AFG2A: variants seen among roughly 807,000 people sequenced by gnomAD.
AFG2A encodes AAA ATPase AFG2A, also known as ATPase family gene 2 protein homolog A.
At chr4:123,159,714 A>G in the AFG2A span, among the ~76,000 whole-genome samples, 1 of 152,138 alleles carries the variant, frequency 6.6e-6, no homozygotes, top group African/African-American at 2.4e-5. Context: ...CGGGAGGTGC[A>G]GGAAGTGAGG....
the AFG2A span, among the ~76,000 whole-genome samples, chr4:122,931,271 A>G: frequency 1.2e-3 from 190 of 152,288 alleles, 1 homozygote; most frequent in Non-Finnish European, 2.1e-3. Flanking sequence ...CAATTTTCTC[A>G]TTAGTTTATA....
the AFG2A span, among the ~76,000 whole-genome samples, chr4:123,240,837 T>C: frequency 6.6e-6 from 1 of 151,958 alleles, no homozygotes; most frequent in Admixed American, 6.6e-5. Context: ...AATCAATGAA[T>C]CCAGGAGCTG....
At chr4:123,302,206 T>A in the AFG2A span, among the ~76,000 whole-genome samples, 1 of 152,152 alleles carries the variant, frequency 6.6e-6, no homozygotes, top group Non-Finnish European at 1.5e-5. Flanking sequence ...CTTGAAGTTT[T>A]TCAGGAACTT....
the AFG2A span, among the ~76,000 whole-genome samples, chr4:123,243,882 TGTG>T: frequency 2.5e-4 from 38 of 152,052 alleles, no homozygotes; most frequent in African/African-American, 8.7e-4. Flanking sequence ...GTTAGCCAGA[TGTG>T]GTAGCACACA....
the AFG2A span, among the ~76,000 whole-genome samples, chr4:123,089,588 T>TTTTTTTC: frequency 6.6e-6 from 1 of 152,112 alleles, no homozygotes; most frequent in African/African-American, 2.4e-5. Flanking sequence ...TTACTTCTTT[T>TTTTTTTC]TTTTTTCTTT....
the AFG2A span, among the ~76,000 whole-genome samples, chr4:123,140,409 G>A: frequency 6.6e-6 from 1 of 151,354 alleles, no homozygotes; most frequent in Non-Finnish European, 1.5e-5. Context: ...CCTTCTAAAT[G>A]ATTGATATAT....
At chr4:123,006,623 G>A in the AFG2A span, among the ~76,000 whole-genome samples, 3 of 152,008 alleles carry the variant, frequency 2.0e-5, no homozygotes, top group Admixed American at 6.6e-5. Flanking sequence ...TTTTGAAATG[G>A]CTAATCTGCT....
At chr4:123,080,865 C>T in the AFG2A span, among the ~76,000 whole-genome samples, 4 of 152,062 alleles carry the variant, frequency 2.6e-5, no homozygotes, top group African/African-American at 7.2e-5. Flanking sequence ...GCTAACTATC[C>T]GTCCTGGATC....
At chr4:123,231,809 A>G in the AFG2A span, among the ~76,000 whole-genome samples, 2 of 151,900 alleles carry the variant, frequency 1.3e-5, no homozygotes, top group African/African-American at 4.8e-5. Context: ...ATTGTGTCTC[A>G]GGGCATAGGA....
the AFG2A span, among the ~76,000 whole-genome samples, chr4:123,051,665 T>C: frequency 8.9e-6 from 1 of 112,854 alleles, no homozygotes; most frequent in East Asian, 2.8e-4. Flanking sequence ...TTTTTTGGCC[T>C]GGGAAAGTCT....
the AFG2A span, among the ~76,000 whole-genome samples, chr4:123,169,021 AGATGCCAGT>A: frequency 8.5e-5 from 13 of 152,216 alleles, no homozygotes; most frequent in Admixed American, 6.5e-4. Flanking sequence ...ATGTCTACTT[AGATGCCAGT>A]GATGCGAATA....
the AFG2A span, among the ~76,000 whole-genome samples, chr4:122,936,555 A>G: frequency 6.6e-6 from 1 of 152,314 alleles, no homozygotes; most frequent in Non-Finnish European, 1.5e-5. Context: ...CCATTAAATA[A>G]TGACTCTGGC....
the AFG2A span, among the ~76,000 whole-genome samples, chr4:123,254,008 G>C: frequency 1.3e-5 from 2 of 152,178 alleles, no homozygotes; most frequent in African/African-American, 4.8e-5. Context: ...AAAGGAAGCT[G>C]TGTGGTTAGC....
chr4:123,121,637 C>G, the AFG2A span, among the ~76,000 whole-genome samples: 1 of 152,296 alleles, frequency 6.6e-6, no homozygotes, highest in South Asian at 2.1e-4. Context: ...AGGTTTGTAG[C>G]CTAAAAGCAA....
At chr4:123,058,259 C>T in the AFG2A span, among the ~76,000 whole-genome samples, 3 of 152,210 alleles carry the variant, frequency 2.0e-5, no homozygotes, top group African/African-American at 4.8e-5. Context: ...TGGTGGAAGG[C>T]GAAAGACATC....
the AFG2A span, among the ~76,000 whole-genome samples, chr4:122,989,900 C>G: frequency 2.6e-5 from 4 of 152,110 alleles, no homozygotes; most frequent in Non-Finnish European, 5.9e-5. Context: ...CTTTGTTGCC[C>G]AGGCTAGAGT....
At chr4:123,217,188 T>C in the AFG2A span, among the ~76,000 whole-genome samples, 1 of 152,180 alleles carries the variant, frequency 6.6e-6, no homozygotes, top group Non-Finnish European at 1.5e-5. Flanking sequence ...TCCCATCCCA[T>C]CTTCCTCCCC....
the AFG2A span, among the ~76,000 whole-genome samples, chr4:123,091,916 T>A: frequency 6.6e-6 from 1 of 152,258 alleles, no homozygotes; most frequent in Non-Finnish European, 1.5e-5. Context: ...TCTTCCTGTG[T>A]ACATATACAC....
the AFG2A span, among the ~76,000 whole-genome samples, chr4:123,203,155 C>CTT: frequency 3.4e-4 from 44 of 129,308 alleles, no homozygotes; most frequent in South Asian, 7.5e-3. Context: ...AATAGTTGTA[C>CTT]TTTTTTTTTT....
Sources: allele counts gnomAD v4.1 joint callset (sites outside exome capture counted in the v4.1 genomes callset), GRCh38; gene constraint gnomAD v4.1.1; transcripts MANE v1.5; gene names NCBI Gene and HGNC (gene_info 2026-07-23, HGNC 2026-07-21).